The following RHBDF2 variants were observed in gnomAD, a reference collection of about 807,000 sequenced individuals.
The protein encoded by RHBDF2 is inactive rhomboid protein 2.
In RHBDF2, 38 loss-of-function variants were observed where a neutral mutation model predicts 95.2. That is an observed-to-expected ratio of 0.40 (90% CI 0.31 to 0.52). RHBDF2 has a LOEUF of 0.52. Ranked by LOEUF, RHBDF2 falls within the 20% of genes least tolerant of loss-of-function variation. RHBDF2 has a pLI of 0.56. For synonymous variants in RHBDF2, 442 were observed against 462.0 expected (o/e 0.96, Z 0.55); for missense variants, 863 against 1,137.7 (o/e 0.76, Z 3.47).
intron 2 of RHBDF2, among the ~76,000 whole-genome samples, chr17:76,485,283 T>A (rs1189725185): frequency 6.6e-6 from 1 of 151,904 alleles, no homozygotes; most frequent in Non-Finnish European, 1.5e-5. Flanking sequence ...TGGTGGTGCA[T>A]CCCTGTAATC....
chr17:76,495,952 CAGG>C (rs2074417751), intron 1 of RHBDF2, among the ~76,000 whole-genome samples: 1 of 152,208 alleles, frequency 6.6e-6, no homozygotes. Flanking sequence ...TTGTCCCAAG[CAGG>C]CCTGCAAAGC....
intron 1 of RHBDF2, among the ~76,000 whole-genome samples, chr17:76,489,614 C>T (rs1376205379): frequency 2.0e-5 from 3 of 152,336 alleles, no homozygotes; most frequent in Middle Eastern, 3.4e-3. Context: ...TGAGCCACCG[C>T]GCCCAGCCGC....
rs760551381 is a variant in RHBDF2, at chr17:76,477,229, T to G, written c.871A>C (p.Ile291Leu). The G allele has an allele frequency of 1.2e-6, 2 of 1,609,392 alleles. No homozygotes were observed. Among genetic ancestry groups the G allele is most frequent in the Non-Finnish European group, 1.7e-6 (2 of 1,178,636 alleles). Residue 291 changes from isoleucine (I) to leucine (L), a missense_variant, in exon 8 of 19, where the codon ATC (isoleucine) becomes CTC (leucine). Transcript: ENST00000675367. ...GAGACAGGGGAGGCTGAGTGTGGGA[T>G]CCCTCGGAAGTAGCTGGCAGAGAGT... ...PPLSASYFRG[I>L]PHSASPVSPD...
rs116635675 is a variant in RHBDF2 at position 76,499,455 on chromosome 17, G to A, written c.-220+1898C>T. 2.9e-3 allele frequency among the ~76,000 whole-genome samples: 447 copies of A among 152,248 alleles called. 4 individuals carry two copies. Among genetic ancestry groups the A allele is most frequent in the African/African-American group, 0.01 (417 of 41,536 alleles). Reference sequence around the variant, plus strand: ...AACTCTGAGTCATCCCTACTGGGGGGCCACCTGGCCTGTGCTTTGATGTCT... The same window carrying A: ...AACTCTGAGTCATCCCTACTGGGGGACCACCTGGCCTGTGCTTTGATGTCT... On this transcript the variant is annotated intron_variant, in intron 1 of 18. Coordinates refer to ENST00000675367, the MANE Select transcript of RHBDF2 (RefSeq NM_001005498.4).
In RHBDF2 at chr17:76,472,786, A is replaced by G. The variant is rs1452358587; in HGVS notation, c.1964T>C (p.Leu655Pro). Reference protein sequence around the residue: ...VVFQMTILRDLEKLAGWHRIA... With the variant: ...VVFQMTILRDPEKLAGWHRIA... ...ACGGTGCCAGCCGGCCAGCTTCTCC[A>G]GGTCCCTCAGGATGGTCATTTGAAA... Residue 655 changes from leucine (L) to proline (P), a missense_variant, in exon 18 of 19, where the codon CTG (leucine) becomes CCG (proline). This residue lies in a region of RHBDF2 where 252 missense variants were observed against 412.2 expected (regional missense o/e 0.61). Coordinates refer to ENST00000675367, the MANE Select transcript of RHBDF2 (RefSeq NM_001005498.4). 1.9e-6 allele frequency: 3 copies of G among 1,608,878 alleles called. No individual in the cohort carries two copies. Among genetic ancestry groups the G allele is most frequent in the African/African-American group, 1.3e-5 (1 of 74,948 alleles).
Position 76,478,934 on chromosome 17 carries a change from G to A in RHBDF2, c.544C>T (p.Pro182Ser), listed in dbSNP as rs2073857900. The A allele has an allele frequency of 2.5e-6, 4 of 1,604,726 alleles. No homozygotes were observed. The highest frequency in any genetic ancestry group is 3.4e-6 in the Non-Finnish European group (4 of 1,174,982). The change falls in exon 6 of 19, where the codon CCG becomes TCG. Residue 182 changes from proline to serine, a missense_variant. This residue lies in a region of RHBDF2 where 611 missense variants were observed against 725.5 expected (regional missense o/e 0.84). Transcript: ENST00000675367. ...AGGGACAGGACTCCGGGGGTCAGCG[G>A]TGGGTGCGGGGCGTGGGGCCTGTCC... is the stretch of plus-strand genomic sequence containing the variant. Reference protein sequence around the residue: ...EMDRPHAPHPPLTPGVLSLTS... With the variant: ...EMDRPHAPHPSLTPGVLSLTS...
intron 6 of RHBDF2, among the ~76,000 whole-genome samples, chr17:76,478,072 C>A (rs1320415380): frequency 6.6e-6 from 1 of 152,200 alleles, no homozygotes; most frequent in Non-Finnish European, 1.5e-5. Flanking sequence ...GCTGCTGGTA[C>A]CCTAACACTC....
Position 76,476,971 on chromosome 17 carries a change from G to A in RHBDF2, c.974C>T (p.Ala325Val), listed in dbSNP as rs1460604733. The change falls in exon 9 of 19, where the codon GCC (alanine) becomes GTC (valine). Residue 325 changes from alanine to valine, a missense_variant. By Grantham distance (64) the Ala-to-Val change is moderately conservative (BLOSUM62 0). Around this residue, in one of 2 missense-constraint regions of RHBDF2, gnomAD observed 611 missense variants for 725.5 expected, o/e 0.84. Coordinates refer to ENST00000675367, the MANE Select transcript of RHBDF2 (RefSeq NM_001005498.4). ...AAAGGCAAAGTGCTTCACCTTGGAG[G>A]CGATGCGCTTGCCGCGCCGGGGCCC... ...VPGPRRGKRI[A>V]SKVKHFAFDR... The A allele has an allele frequency of 6.2e-7, 1 of 1,613,946 alleles. No individual in the cohort carries two copies. Among genetic ancestry groups the A allele is most frequent in the South Asian group, 1.1e-5 (1 of 91,084 alleles).
intron 7 of RHBDF2, 144 bp from the exon 8 acceptor site, chr17:76,477,442 G>T: frequency 8.2e-7 from 1 of 1,213,486 alleles, no homozygotes; most frequent in Non-Finnish European, 1.2e-6. Context: ...AGCCCCAATG[G>T]TGACTTTCCC....
At chr17:76,474,676 G>A in intron 11 of RHBDF2, 54 bp downstream of exon 11, 1 of 1,613,978 alleles carries the variant, frequency 6.2e-7, no homozygotes, top group Non-Finnish European at 8.5e-7. Context: ...AGCTGGGAGT[G>A]ACAGGGCACA....
chr17:76,472,542 A>T (rs1269189816), intron 18 of RHBDF2, 144 bp downstream of exon 18: 8 of 1,031,782 alleles, frequency 7.8e-6, no homozygotes, highest in Non-Finnish European at 1.0e-5. Context: ...CCAGCCAGTA[A>T]GCCCCCAGAT....
At position 76,481,526 on chromosome 17, in the gene RHBDF2, G is replaced by A; in HGVS notation, c.-2C>T. Reference sequence around the variant, plus strand: ...GCCATTCTTGTCAGCAGAGGCCATTGTGGGCAGGAGGCGGGAGGGCTGGAA... The same window carrying A: ...GCCATTCTTGTCAGCAGAGGCCATTATGGGCAGGAGGCGGGAGGGCTGGAA... On this transcript the variant is annotated 5_prime_UTR_variant, in exon 3 of 19. Transcript: ENST00000675367. 6.2e-7 allele frequency: 1 copy of A among 1,607,856 alleles called. No homozygotes were observed. The highest frequency in any genetic ancestry group is 1.1e-5 in the South Asian group (1 of 91,030).
Position 76,479,107 on chromosome 17 carries a change from G to A in RHBDF2, c.443C>T (p.Ser148Phe), listed in dbSNP as rs765558545. The A allele has an allele frequency of 1.2e-6, 2 of 1,613,656 alleles. No homozygotes were observed. Among genetic ancestry groups the A allele is most frequent in the Admixed American group, 3.3e-5 (2 of 60,024 alleles). The change falls in exon 5 of 19, where the codon TCC becomes TTC. Residue 148 changes from serine to phenylalanine, a missense_variant. Ser to Phe is a radical substitution (Grantham distance 155, BLOSUM62 -2). Around this residue, in one of 2 missense-constraint regions of RHBDF2, gnomAD observed 611 missense variants for 725.5 expected, o/e 0.84. Coordinates refer to ENST00000675367, the MANE Select transcript of RHBDF2 (RefSeq NM_001005498.4). ...QEAPSFQGTE[S>F]PKPCKMPKIV... ...CTTGGGCATCTTGCAGGGCTTTGGG[G>A]ACTCAGTGCCCTGGAAGGACGGTGC...
chr17:76,489,508 A>G (rs1213994157), intron 1 of RHBDF2, among the ~76,000 whole-genome samples: 1 of 152,108 alleles, frequency 6.6e-6, no homozygotes, highest in Non-Finnish European at 1.5e-5. Flanking sequence ...TACTTTTAGT[A>G]GAGACGGGGT....
intron 1 of RHBDF2, among the ~76,000 whole-genome samples, chr17:76,492,629 C>T (rs534840763): frequency 1.1e-3 from 160 of 152,306 alleles, no homozygotes; most frequent in African/African-American, 3.7e-3. Context: ...GTGCAGTTCC[C>T]TCTCTCCACC....
chr17:76,474,910 C>G, intron 10 of RHBDF2, 106 bp from the exon 11 acceptor site: 1 of 1,523,796 alleles, frequency 6.6e-7, no homozygotes, highest in Non-Finnish European at 9.0e-7. Context: ...AGGGGCCAGG[C>G]TATGGTGAGC....
At chr17:76,477,123 G>A (rs2073797721) in intron 8 of RHBDF2, 57 bp downstream of exon 8, 7 of 1,610,368 alleles carry the variant, frequency 4.3e-6, no homozygotes, top group East Asian at 2.2e-5. Context: ...GGTGAGGTCT[G>A]GGGATGCCCC....
At chr17:76,475,574 GTTCTT>G (rs1189314537) in intron 9 of RHBDF2, among the ~76,000 whole-genome samples, 19 of 151,124 alleles carry the variant, frequency 1.3e-4, no homozygotes, top group African/African-American at 3.2e-4. Flanking sequence ...ATCATTGCTT[GTTCTT>G]TTCTTTTCTT....
intron 2 of RHBDF2, among the ~76,000 whole-genome samples, chr17:76,486,931 C>T (rs1049955991): frequency 2.0e-5 from 3 of 148,332 alleles, no homozygotes; most frequent in Admixed American, 6.8e-5. Flanking sequence ...TGAGCAGTGC[C>T]GGTCCCACCT....
Sources: allele counts gnomAD v4.1 joint callset (sites outside exome capture counted in the v4.1 genomes callset), GRCh38; gene constraint gnomAD v4.1.1; regional missense constraint gnomAD v4.1.1; transcripts MANE v1.5; gene names NCBI Gene and HGNC (gene_info 2026-07-23, HGNC 2026-07-21).